Variants in OPRD1 observed in about 807,000 individuals in gnomAD.
OPRD1 encodes the protein delta-type opioid receptor.
Under a neutral mutation model 17.5 loss-of-function variants are expected in OPRD1, and 19 were observed. That is an observed-to-expected ratio of 1.09 (90% confidence interval 0.76 to 1.60). The LOEUF (loss-of-function observed/expected upper bound fraction) is 1.60. Among genes scored for constraint, OPRD1 ranks in the 40% most tolerant of loss-of-function variants. The pLI, the probability that OPRD1 is intolerant of heterozygous loss-of-function variation, is 0.00. For missense variants in OPRD1, 483 were observed against 547.2 expected (o/e 0.88, Z 1.17); for synonymous variants, 256 against 240.9 (o/e 1.06, Z -0.58).
intron 1 of OPRD1, among the ~76,000 whole-genome samples, chr1:28,831,820 G>A (rs2088810759): frequency 6.6e-6 from 1 of 152,206 alleles, no homozygotes; most frequent in Non-Finnish European, 1.5e-5. Flanking sequence ...TTACAGGCAT[G>A]AGCCACCATG....
intron 1 of OPRD1, among the ~76,000 whole-genome samples, chr1:28,834,657 G>C (rs2088835502): frequency 6.6e-6 from 1 of 152,140 alleles, no homozygotes; most frequent in Admixed American, 6.5e-5. Context: ...TGGGATTACA[G>C]GTGTGAGCCA....
chr1:28,846,103 T>A (rs2088940082), intron 1 of OPRD1, among the ~76,000 whole-genome samples: 1 of 152,244 alleles, frequency 6.6e-6, no homozygotes, highest in African/African-American at 2.4e-5. Context: ...TCTGGCTCAC[T>A]ACACTGTCGT....
At chr1:28,835,614 A>T (rs1243075867) in intron 1 of OPRD1, among the ~76,000 whole-genome samples, 1 of 151,960 alleles carries the variant, frequency 6.6e-6, no homozygotes, top group East Asian at 1.9e-4. Context: ...CTGCAAATAG[A>T]GGGAGCCCCA....
At position 28,825,601 on chromosome 1, in the gene OPRD1, G is replaced by T. The variant is rs2088760990; in HGVS notation, c.227+12991G>T. Among the ~76,000 whole-genome samples, 3 of 151,826 alleles carry T rather than the reference G, an allele frequency of 2.0e-5. No homozygotes were observed. The South Asian group carries it at 6.2e-4, about 32-fold the overall frequency. On this transcript the variant is annotated intron_variant, in intron 1 of 2. Coordinates refer to ENST00000234961, the MANE Select transcript of OPRD1 (RefSeq NM_000911.4). ...GGGTTTCATCATGTTGGTCAGGCTG[G>T]TCTTGAACTCCTGACCTTGTGATCC...
intron 1 of OPRD1, among the ~76,000 whole-genome samples, chr1:28,849,875 C>CT (rs34907861): frequency 0.065 from 7,656 of 118,096 alleles, 406 homozygotes; most frequent in African/African-American, 0.093. Flanking sequence ...GAGAGTCAAA[C>CT]TTTTTTTTTT....
chr1:28,846,212 T>C (rs2088941380), intron 1 of OPRD1, among the ~76,000 whole-genome samples: 1 of 152,220 alleles, frequency 6.6e-6, no homozygotes, highest in South Asian at 2.1e-4. Context: ...ACCTTCCTCC[T>C]TCACTTCACA....
intron 1 of OPRD1, among the ~76,000 whole-genome samples, chr1:28,856,971 C>T (rs571314793): frequency 1.3e-4 from 20 of 152,176 alleles, no homozygotes; most frequent in African/African-American, 4.6e-4. Flanking sequence ...TGGATGGAGC[C>T]GCAGGAAGGA....
chr1:28,834,456 C>G (rs1569622159), intron 1 of OPRD1, among the ~76,000 whole-genome samples: 1 of 149,298 alleles, frequency 6.7e-6, no homozygotes, highest in Admixed American at 6.7e-5. Context: ...TCTCGGTTCA[C>G]TGCAACCTCC....
intron 1 of OPRD1, among the ~76,000 whole-genome samples, chr1:28,836,379 T>G (rs1440622045): frequency 6.6e-6 from 1 of 151,818 alleles, no homozygotes; most frequent in Non-Finnish European, 1.5e-5. Flanking sequence ...CCGGGCTTGG[T>G]GATGTGCGCC....
At chr1:28,834,967 T>G (rs998484601) in intron 1 of OPRD1, among the ~76,000 whole-genome samples, 1 of 152,154 alleles carries the variant, frequency 6.6e-6, no homozygotes, top group African/African-American at 2.4e-5. Flanking sequence ...ATAGGGTCTA[T>G]GCACTATTTC....
intron 1 of OPRD1, among the ~76,000 whole-genome samples, chr1:28,832,766 A>C (rs1158194182): frequency 6.6e-6 from 1 of 152,184 alleles, no homozygotes; most frequent in Non-Finnish European, 1.5e-5. Context: ...TATAAACAAA[A>C]TGGGAATATA....
chr1:28,816,722 G>A (rs905480781), intron 1 of OPRD1, among the ~76,000 whole-genome samples: 1 of 152,014 alleles, frequency 6.6e-6, no homozygotes, highest in Non-Finnish European at 1.5e-5. Flanking sequence ...ACGATGACTC[G>A]TGCTGGCCAT....
chr1:28,855,550 G>C (rs562115752), intron 1 of OPRD1, among the ~76,000 whole-genome samples: 2 of 152,280 alleles, frequency 1.3e-5, no homozygotes, highest in African/African-American at 4.8e-5. Flanking sequence ...GCTGTGGGTG[G>C]AGGGGAGAGA....
chr1:28,860,683 G>A (rs72665522), intron 2 of OPRD1, among the ~76,000 whole-genome samples: 27 of 152,286 alleles, frequency 1.8e-4, no homozygotes, highest in Admixed American at 1.2e-3. Flanking sequence ...GAGAGGTCAG[G>A]TGGTTTACTT....
At chr1:28,833,026 A>C (rs1267124824) in intron 1 of OPRD1, among the ~76,000 whole-genome samples, 1 of 152,222 alleles carries the variant, frequency 6.6e-6, no homozygotes. Context: ...AATCATGAAG[A>C]ACCGAGAAAT....
At chr1:28,858,848 C>T in intron 1 of OPRD1, 106 bp from the exon 2 acceptor site, 1 of 1,127,556 alleles carries the variant, frequency 8.9e-7, no homozygotes, top group East Asian at 2.4e-5. Flanking sequence ...GCCTAGCCTC[C>T]CCTGACCTTT....
At chr1:28,858,283 T>C (rs2089077246) in intron 1 of OPRD1, among the ~76,000 whole-genome samples, 1 of 149,564 alleles carries the variant, frequency 6.7e-6, no homozygotes, top group Non-Finnish European at 1.5e-5. Context: ...CCGGCTATTT[T>C]TTTTGTATTT....
At position 28,862,395 on chromosome 1, in the gene OPRD1, A is replaced by T. The variant is rs528878545; in HGVS notation, c.578-347A>T. On this transcript the variant is annotated intron_variant, in intron 2 of 2. Coordinates refer to ENST00000234961, the MANE Select transcript of OPRD1 (RefSeq NM_000911.4). ...CCTGTCCCCAATGGAGCTAGTTTGG[A>T]AATGGGTCAAGGTGCTTTGAGTTAC... Among the ~76,000 whole-genome samples, 25 of 152,178 alleles carry T rather than the reference A, an allele frequency of 1.6e-4. No individual in the cohort carries two copies. The South Asian group carries it at 5.2e-3, about 32-fold the overall frequency.
At position 28,812,482 on chromosome 1, in the gene OPRD1, T is replaced by C. The variant is rs1207641441; in HGVS notation, c.99T>C (p.Asn33=). The C allele has an allele frequency of 1.3e-6, 2 of 1,547,082 alleles. No homozygotes were observed. The highest frequency in any genetic ancestry group is 8.7e-7 in the Non-Finnish European group (1 of 1,155,152). Residue 33 remains asparagine, a synonymous_variant, in exon 1 of 3, where the codon AAT becomes AAC. Coordinates refer to ENST00000234961, the MANE Select transcript of OPRD1 (RefSeq NM_000911.4). ...GCGCCTGCCCCAGCGCTGGCGCCAA[T>C]GCGTCGGGGCCGCCAGGCGCGCGGA... ...YPSACPSAGA[N]ASGPPGARSA... is the part of the protein sequence containing the mutation.
Sources: gnomAD v4.1 joint callset for allele counts (sites outside exome capture counted in the v4.1 genomes callset) on GRCh38, gnomAD v4.1.1 for gene constraint, MANE v1.5 for transcripts, NCBI Gene and HGNC (gene_info 2026-07-23, HGNC 2026-07-21) for gene names.